Variants in ATP8B4 observed in about 807,000 individuals in gnomAD.
ATP8B4 encodes probable phospholipid-transporting ATPase IM.
Under a neutral mutation model 145.6 loss-of-function variants are expected in ATP8B4, and 133 were observed. The ratio of observed to expected loss-of-function variants is 0.91; its 90% CI spans 0.79 to 1.05. ATP8B4 has a LOEUF of 1.05. ATP8B4 is among the 50% of genes least tolerant of loss of function. ATP8B4 has a pLI of 0.00. For missense variants in ATP8B4, 1,458 were observed against 1,425.2 expected (o/e 1.02, Z -0.37); for synonymous variants, 507 against 492.9 (o/e 1.03, Z -0.38).
intron 1 of ATP8B4, among the ~76,000 whole-genome samples, chr15:50,142,935 T>C (rs1289256308): frequency 6.6e-6 from 1 of 152,190 alleles, no homozygotes; most frequent in East Asian, 1.9e-4. Context: ...AGAAACGAAC[T>C]GTTTCAGGCT....
chr15:49,920,588 G>A (rs4426299), intron 17 of ATP8B4, among the ~76,000 whole-genome samples, 178 bp from the exon 18 acceptor site: 34,610 of 152,106 alleles, frequency 0.23, 5,626 homozygotes, highest in African/African-American at 0.46. Context: ...TAATGTGTGT[G>A]TTTTCCGTTT....
At chr15:49,947,521 G>A (rs2042681839) in intron 14 of ATP8B4, among the ~76,000 whole-genome samples, 1 of 150,832 alleles carries the variant, frequency 6.6e-6, no homozygotes, top group African/African-American at 2.4e-5. Context: ...TCATGGAGTA[G>A]AAGACTTAAT....
At chr15:49,866,715 C>T (rs2153379479) in intron 25 of ATP8B4, among the ~76,000 whole-genome samples, 1 of 152,246 alleles carries the variant, frequency 6.6e-6, no homozygotes, top group South Asian at 2.1e-4. Context: ...ATTATATCTG[C>T]CAAGGTCGAG....
chr15:49,892,922 G>C (rs182707644), intron 23 of ATP8B4, among the ~76,000 whole-genome samples: 1 of 152,242 alleles, frequency 6.6e-6, no homozygotes, highest in East Asian at 1.9e-4. Context: ...ACTAACTAAA[G>C]GGAGAGACAA....
chr15:50,043,877 C>T (rs557142967), intron 5 of ATP8B4, among the ~76,000 whole-genome samples: 53 of 148,846 alleles, frequency 3.6e-4, no homozygotes, highest in African/African-American at 1.1e-3. Flanking sequence ...GGCGTGAACC[C>T]GGGAAGCGGA....
At chr15:49,972,138 G>A (rs543703512) in intron 13 of ATP8B4, among the ~76,000 whole-genome samples, 3 of 152,256 alleles carry the variant, frequency 2.0e-5, no homozygotes, top group South Asian at 2.1e-4. Flanking sequence ...GGGAGGCTAG[G>A]GGAGGGATGG....
At chr15:50,075,216 G>A (rs900204529) in intron 2 of ATP8B4, among the ~76,000 whole-genome samples, 2 of 151,898 alleles carry the variant, frequency 1.3e-5, no homozygotes, top group Non-Finnish European at 2.9e-5. Flanking sequence ...GGAGGGAAGA[G>A]CAAAAGAAAA....
intron 23 of ATP8B4, chr15:49,883,450 A>C (rs2035739120): frequency 6.6e-6 from 1 of 152,238 alleles, no homozygotes. Context: ...GAGTTTCTGC[A>C]AATTCTCAGA....
intron 25 of ATP8B4, among the ~76,000 whole-genome samples, chr15:49,868,710 A>T (rs2033209428): frequency 6.6e-6 from 1 of 152,188 alleles, no homozygotes; most frequent in South Asian, 2.1e-4. Context: ...AGATAAAAAC[A>T]TTGCCAAAAC....
intron 19 of ATP8B4, among the ~76,000 whole-genome samples, chr15:49,917,891 G>A (rs1325143526): frequency 2.0e-5 from 3 of 152,044 alleles, no homozygotes; most frequent in South Asian, 2.1e-4. Context: ...ATAATAGAAC[G>A]GCTGTAACTG....
intron 1 of ATP8B4, among the ~76,000 whole-genome samples, chr15:50,156,901 G>A (rs561869729): frequency 3.0e-4 from 45 of 152,208 alleles, no homozygotes; most frequent in Admixed American, 2.2e-3. Context: ...TAGTCTTAGC[G>A]GCTTTTAATT....
In ATP8B4 at chr15:49,866,260, C is replaced by T. The variant is rs2032772841; in HGVS notation, c.3166+86G>A. The T allele has an allele frequency of 2.7e-6, 4 of 1,490,086 alleles. No homozygotes were observed. The African/African-American group carries it at 4.2e-5, about 16-fold the overall frequency. The allele number at this position is 1,490,086 out of a possible 1,614,324, so 92.3% of individuals were successfully genotyped here. A position where few individuals can be genotyped will look rare whatever the true frequency, so the allele number is the denominator to read the frequency against. On this transcript the variant is annotated intron_variant, in intron 26 of 27. Transcript: ENST00000284509. Reference sequence around the variant, plus strand: ...TGGACAAAGGATCACTAATCATCCCCAGCTCTACCTAACACAAAAAATAAA... The same window carrying T: ...TGGACAAAGGATCACTAATCATCCCTAGCTCTACCTAACACAAAAAATAAA...
chr15:49,961,097 C>T (rs1300679024), intron 14 of ATP8B4, among the ~76,000 whole-genome samples: 13 of 151,252 alleles, frequency 8.6e-5, no homozygotes, highest in African/African-American at 9.7e-5. Context: ...TGCGCCACTG[C>T]GCTCCAGCCT....
At chr15:49,947,596 T>TC (rs2042689173) in intron 14 of ATP8B4, among the ~76,000 whole-genome samples, 1 of 1,778 alleles carries the variant, frequency 5.6e-4, no homozygotes, top group Admixed American at 4.1e-3. Context: ...TTCAATGGTA[T>TC]TTTTTTACAG....
chr15:50,044,565 C>A, intron 5 of ATP8B4, 29 bp downstream of exon 5: 2 of 1,490,180 alleles, frequency 1.3e-6, no homozygotes, highest in South Asian at 1.2e-5. Flanking sequence ...AAATTGAGAC[C>A]TCAAGAATGC....
intron 13 of ATP8B4, among the ~76,000 whole-genome samples, chr15:49,971,278 A>G (rs2045102093): frequency 6.6e-6 from 1 of 152,238 alleles, no homozygotes; most frequent in Admixed American, 6.5e-5. Flanking sequence ...ATGGGACCTA[A>G]TTAAACTAAA....
intron 2 of ATP8B4, among the ~76,000 whole-genome samples, chr15:50,078,391 A>C (rs1227893610): frequency 6.6e-6 from 1 of 152,136 alleles, no homozygotes; most frequent in Non-Finnish European, 1.5e-5. Context: ...AACAAGAACA[A>C]GCTAATATAA....
At chr15:49,996,586 A>T (rs2047444766) in intron 9 of ATP8B4, 91 bp downstream of exon 9, 3 of 1,069,820 alleles carry the variant, frequency 2.8e-6, no homozygotes, top group Admixed American at 4.3e-5. Context: ...TCCACCAAAT[A>T]AAAAGAAACA....
chr15:49,998,522 G>C (rs2047613874), intron 8 of ATP8B4, among the ~76,000 whole-genome samples: 1 of 152,138 alleles, frequency 6.6e-6, no homozygotes, highest in African/African-American at 2.4e-5. Flanking sequence ...GTGTTTTTTG[G>C]CTGCATAAAT....
Sources: gnomAD v4.1 joint callset for allele counts (sites outside exome capture counted in the v4.1 genomes callset) on GRCh38, gnomAD v4.1.1 for gene constraint, MANE v1.5 for transcripts, NCBI Gene and HGNC (gene_info 2026-07-23, HGNC 2026-07-21) for gene names.